The following RPS6KC1 variants were observed in gnomAD, a reference collection of about 807,000 sequenced individuals.
RPS6KC1 encodes the protein inactive ribosomal protein S6 kinase delta-1.
In RPS6KC1, 54 loss-of-function variants were observed where a neutral mutation model predicts 103.8. The ratio of observed to expected loss-of-function variants is 0.52; its 90% confidence interval spans 0.42 to 0.65. The LOEUF is 0.65. Ranked by LOEUF, RPS6KC1 falls within the 30% of genes least tolerant of loss-of-function variation. The probability of loss-of-function intolerance (pLI) is 0.00; values close to 1 mark genes in which losing one functional copy is unlikely to be tolerated. For synonymous variants in RPS6KC1, 439 were observed against 438.7 expected (o/e 1.00, Z -0.01); for missense variants, 1,151 against 1,253.8 (o/e 0.92, Z 1.24).
chr1:213,227,083 A>G (rs534295743), intron 8 of RPS6KC1, among the ~76,000 whole-genome samples: 4 of 152,112 alleles, frequency 2.6e-5, no homozygotes, highest in Non-Finnish European at 5.9e-5. Flanking sequence ...TTATCTGTAA[A>G]CTTGATTAAT....
chr1:213,483,558 CT>C, the RPS6KC1 span, among the ~76,000 whole-genome samples: 2 of 152,080 alleles, frequency 1.3e-5, no homozygotes, highest in South Asian at 4.1e-4. Context: ...CACTGCCAAA[CT>C]TTTTCAAAGG....
chr1:213,438,325 T>C, the RPS6KC1 span, among the ~76,000 whole-genome samples: 1 of 152,210 alleles, frequency 6.6e-6, no homozygotes, highest in Non-Finnish European at 1.5e-5. Flanking sequence ...TCTCCTTGTA[T>C]GACTCATAAT....
At chr1:213,152,333 C>A (rs1314376182) in intron 6 of RPS6KC1, among the ~76,000 whole-genome samples, 2 of 142,698 alleles carry the variant, frequency 1.4e-5, no homozygotes, top group East Asian at 4.2e-4. Context: ...GGGGGCTGAC[C>A]CCCCCCACCT....
chr1:213,061,420 G>A (rs1254774057), intron 1 of RPS6KC1, among the ~76,000 whole-genome samples: 1 of 152,188 alleles, frequency 6.6e-6, no homozygotes, highest in East Asian at 1.9e-4. Flanking sequence ...GCTGGTGGGT[G>A]ATAACCAGCC....
At chr1:213,851,849 A>T in the RPS6KC1 span, among the ~76,000 whole-genome samples, 3 of 152,004 alleles carry the variant, frequency 2.0e-5, no homozygotes, top group Non-Finnish European at 2.9e-5. Flanking sequence ...TCTCCTGCAC[A>T]TCCAGTCAAT....
At chr1:213,077,984 G>A (rs1041665675) in intron 3 of RPS6KC1, among the ~76,000 whole-genome samples, 168 bp downstream of exon 3, 3 of 151,914 alleles carry the variant, frequency 2.0e-5, no homozygotes, top group Non-Finnish European at 4.4e-5. Flanking sequence ...TTATAGTTTT[G>A]TGTACCCAGA....
At chr1:213,742,744 C>G in the RPS6KC1 span, among the ~76,000 whole-genome samples, 2 of 152,234 alleles carry the variant, frequency 1.3e-5, no homozygotes, top group African/African-American at 4.8e-5. Context: ...CCAAAGGGCC[C>G]CTGGTTGCTG....
At chr1:213,546,803 C>T in the RPS6KC1 span, among the ~76,000 whole-genome samples, 1 of 152,168 alleles carries the variant, frequency 6.6e-6, no homozygotes, top group African/African-American at 2.4e-5. Flanking sequence ...CAGTATGGTA[C>T]ATTTGTTACA....
the RPS6KC1 span, among the ~76,000 whole-genome samples, chr1:213,434,780 C>T: frequency 4.5e-4 from 55 of 121,782 alleles, no homozygotes; most frequent in African/African-American, 1.3e-3. Context: ...ATATAACTGA[C>T]TGTTTTTTTT....
At chr1:213,715,743 A>G in the RPS6KC1 span, among the ~76,000 whole-genome samples, 135 of 152,360 alleles carry the variant, frequency 8.9e-4, 1 homozygote, top group Middle Eastern at 0.017. Flanking sequence ...ATCTGTTTTC[A>G]TCATTATTGG....
the RPS6KC1 span, among the ~76,000 whole-genome samples, chr1:213,370,174 G>A: frequency 6.6e-6 from 1 of 152,058 alleles, no homozygotes; most frequent in East Asian, 1.9e-4. Context: ...TCCTTCTCAG[G>A]GGTGGTGGGA....
chr1:213,224,730 T>C (rs2093919190), intron 8 of RPS6KC1, among the ~76,000 whole-genome samples: 1 of 152,130 alleles, frequency 6.6e-6, no homozygotes, highest in Admixed American at 6.5e-5. Flanking sequence ...ACAAATTCTG[T>C]TTGAGGGTTA....
At chr1:213,798,090 C>T in the RPS6KC1 span, among the ~76,000 whole-genome samples, 1 of 152,162 alleles carries the variant, frequency 6.6e-6, no homozygotes, top group East Asian at 1.9e-4. Flanking sequence ...GTGCTGGACC[C>T]ATCATCGGGG....
chr1:213,714,565 G>C, the RPS6KC1 span, among the ~76,000 whole-genome samples: 1 of 152,222 alleles, frequency 6.6e-6, no homozygotes, highest in African/African-American at 2.4e-5. Context: ...GGGCTGGCGT[G>C]CAGGGCATCA....
At chr1:213,070,148 T>C (rs2078735694) in intron 1 of RPS6KC1, among the ~76,000 whole-genome samples, 1 of 141,940 alleles carries the variant, frequency 7.0e-6, no homozygotes, top group African/African-American at 2.5e-5. Context: ...TTGTAGCTGC[T>C]TTTTTTTAAT....
At chr1:213,169,452 C>T (rs1024201604) in intron 7 of RPS6KC1, among the ~76,000 whole-genome samples, 6 of 152,114 alleles carry the variant, frequency 3.9e-5, no homozygotes, top group Admixed American at 2.6e-4. Flanking sequence ...TGAATTACTG[C>T]GACTCTTTTA....
At chr1:213,514,922 T>C in the RPS6KC1 span, among the ~76,000 whole-genome samples, 1 of 152,242 alleles carries the variant, frequency 6.6e-6, no homozygotes, top group African/African-American at 2.4e-5. Context: ...ATCGCCATTC[T>C]AACTGGTGTG....
At chr1:213,073,492 C>T (rs1047684587) in intron 2 of RPS6KC1, among the ~76,000 whole-genome samples, 1 of 152,096 alleles carries the variant, frequency 6.6e-6, no homozygotes, top group Non-Finnish European at 1.5e-5. Flanking sequence ...GATGGTTTTG[C>T]TCCCCCTCAC....
the RPS6KC1 span, among the ~76,000 whole-genome samples, chr1:213,659,569 G>A: frequency 6.6e-6 from 1 of 151,236 alleles, no homozygotes; most frequent in Non-Finnish European, 1.5e-5. Flanking sequence ...AAGGAAAGTT[G>A]CTACAACATT....
Sources: gnomAD v4.1 joint callset for allele counts (sites outside exome capture counted in the v4.1 genomes callset) on GRCh38, gnomAD v4.1.1 for gene constraint, MANE v1.5 for transcripts, NCBI Gene and HGNC (gene_info 2026-07-23, HGNC 2026-07-21) for gene names.